Variants in MARCHF6 observed in about 807,000 individuals in gnomAD.
MARCHF6 encodes the protein membrane associated ring-CH-type finger 6, also known as E3 ubiquitin-protein ligase MARCHF6.
A neutral mutation model predicts 133.7 loss-of-function variants in MARCHF6; 31 were observed. The observed-to-expected ratio is 0.23, with a 90% CI of 0.17 to 0.31. The LOEUF (loss-of-function observed/expected upper bound fraction) is 0.31, where lower values mean the gene tolerates loss of function less well. Among genes scored for constraint, MARCHF6 ranks in the 10% least tolerant of loss-of-function variants. MARCHF6 has a pLI of 1.00. For synonymous variants in MARCHF6, 395 were observed against 402.5 expected, an observed-to-expected ratio of 0.98 and a Z score of 0.22; for missense variants, 723 against 1,121.6, an observed-to-expected ratio of 0.64 and a Z score of 5.08.
At chr5:10,402,655 A>G (rs766576266) in intron 14 of MARCHF6, 48 bp downstream of exon 14, 1 of 1,438,058 alleles carries the variant, frequency 7.0e-7, no homozygotes, top group Non-Finnish European at 9.8e-7. Flanking sequence ...TAAGGGCTTC[A>G]AAAGAGGAAG....
At chr5:10,372,295 G>A (rs1455214181) in intron 1 of MARCHF6, among the ~76,000 whole-genome samples, 2 of 152,060 alleles carry the variant, frequency 1.3e-5, no homozygotes, top group East Asian at 1.9e-4. Flanking sequence ...TATCATGTCT[G>A]TGTACTATTG....
At chr5:10,362,442 A>G (rs868050767) in intron 1 of MARCHF6, among the ~76,000 whole-genome samples, 3 of 152,210 alleles carry the variant, frequency 2.0e-5, no homozygotes, top group Non-Finnish European at 2.9e-5. Flanking sequence ...ACCCCTTTAC[A>G]TTCTTAAAAT....
At chr5:10,422,243 GAA>G (rs1364891646) in intron 22 of MARCHF6, among the ~76,000 whole-genome samples, 2 of 152,158 alleles carry the variant, frequency 1.3e-5, no homozygotes, top group Admixed American at 1.3e-4. Flanking sequence ...TTGAGAAAGA[GAA>G]ATGTTTTGGA....
chr5:10,410,118 T>G (rs375470350), intron 17 of MARCHF6, 21 bp from the exon 18 acceptor site: 13 of 1,612,306 alleles, frequency 8.1e-6, no homozygotes, highest in Non-Finnish European at 1.0e-5. Flanking sequence ...CAATTCACAT[T>G]ATAAATCCTG....
intron 9 of MARCHF6, among the ~76,000 whole-genome samples, chr5:10,396,468 T>C (rs1415787936): frequency 6.6e-6 from 1 of 152,062 alleles, no homozygotes; most frequent in South Asian, 2.1e-4. Context: ...TGAGAAGAAA[T>C]GTAGTAGTCA....
Position 10,435,000 on chromosome 5 carries a change from A to G in MARCHF6, c.*1316A>G, listed in dbSNP as rs138857781. 1 of 152,794 alleles carries G rather than the reference A, an allele frequency of 6.5e-6. No homozygotes were observed. Among genetic ancestry groups the G allele is most frequent in the East Asian group, 1.9e-4 (1 of 5,192 alleles). 9.5% of individuals were successfully genotyped at this position (152,794 alleles called of 1,614,324 possible). ...TTAGAAAAATAGAATGGTTGGGTAC[A>G]TGATCTAAATGTTTAATGCTAAAGG... On this transcript the variant is annotated 3_prime_UTR_variant, in exon 26 of 26. Coordinates refer to ENST00000274140, the MANE Select transcript of MARCHF6 (RefSeq NM_005885.4).
rs79268913 is a variant in MARCHF6, at chr5:10,353,752, C to T, written c.-147C>T. ...TTTCTGTCAGCCTCTCTCCCTCTCC[C>T]TCTCCCCTCTCCTTCCTCTCGCTTC... On this transcript the variant is annotated 5_prime_UTR_variant, in exon 1 of 26. Transcript: ENST00000274140. The T allele has an allele frequency of 0.019, 12,213 of 639,896 alleles. 683 individuals carry two copies. Among genetic ancestry groups the T allele is most frequent in the African/African-American group, 0.15 (7,868 of 51,734 alleles). 39.6% of individuals were successfully genotyped at this position (639,896 alleles called of 1,614,324 possible). A position where few individuals can be genotyped will look rare whatever the true frequency, so the allele number is the denominator to read the frequency against.
intron 18 of MARCHF6, among the ~76,000 whole-genome samples, chr5:10,411,049 A>T (rs1053218713): frequency 2.0e-5 from 3 of 152,088 alleles, no homozygotes; most frequent in Non-Finnish European, 4.4e-5. Flanking sequence ...TATCTTGTAC[A>T]TTGTACTTTT....
chr5:10,422,658 A>G (rs180780915), intron 22 of MARCHF6, among the ~76,000 whole-genome samples: 83 of 151,504 alleles, frequency 5.5e-4, no homozygotes, highest in African/African-American at 1.9e-3. Context: ...AATTCAGTGT[A>G]TGTATCAACC....
intron 17 of MARCHF6, 152 bp from the exon 18 acceptor site, chr5:10,409,987 G>A: frequency 2.5e-6 from 2 of 793,860 alleles, no homozygotes; most frequent in Non-Finnish European, 3.9e-6. Flanking sequence ...GGTGGAGTTT[G>A]TGGGGAAAGC....
chr5:10,420,768 C>T (rs535291271), intron 22 of MARCHF6, among the ~76,000 whole-genome samples: 4 of 152,338 alleles, frequency 2.6e-5, no homozygotes, highest in East Asian at 3.9e-4. Flanking sequence ...AATGACCAAA[C>T]ATTCCCCTTT....
chr5:10,404,057 T>C (rs1206879510), intron 15 of MARCHF6, among the ~76,000 whole-genome samples: 1 of 150,122 alleles, frequency 6.7e-6, no homozygotes, highest in Admixed American at 6.7e-5. Context: ...ATTTATTTAT[T>C]TATTTATTTA....
At chr5:10,412,396 C>G (rs956307405) in intron 19 of MARCHF6, among the ~76,000 whole-genome samples, 6 of 152,144 alleles carry the variant, frequency 3.9e-5, no homozygotes, top group African/African-American at 1.4e-4. Flanking sequence ...CAATCAAGAA[C>G]CACTTGTTCT....
chr5:10,410,408 G>A (rs1739150375), intron 18 of MARCHF6, 132 bp downstream of exon 18: 2 of 1,062,512 alleles, frequency 1.9e-6, no homozygotes, highest in African/African-American at 3.2e-5. Flanking sequence ...AGTAATATTT[G>A]CAATTGCATA....
At chr5:10,376,236 C>G (rs542423304) in intron 1 of MARCHF6, among the ~76,000 whole-genome samples, 1 of 152,312 alleles carries the variant, frequency 6.6e-6, no homozygotes, top group South Asian at 2.1e-4. Flanking sequence ...CCGTGAAGAT[C>G]TGCAGTTTCT....
intron 10 of MARCHF6, among the ~76,000 whole-genome samples, chr5:10,398,845 GA>G: frequency 6.6e-6 from 1 of 152,276 alleles, no homozygotes; most frequent in African/African-American, 2.4e-5. Context: ...CTTTTGAAAT[GA>G]AACAAGTTTT....
intron 4 of MARCHF6, 83 bp from the exon 5 acceptor site, chr5:10,386,911 C>A: frequency 1.0e-6 from 1 of 982,662 alleles, no homozygotes; most frequent in Non-Finnish European, 1.6e-6. Flanking sequence ...TGTGGCGTTC[C>A]ACTTTACCTC....
chr5:10,387,365 C>T (rs1003529442), intron 5 of MARCHF6, among the ~76,000 whole-genome samples: 3 of 149,294 alleles, frequency 2.0e-5, no homozygotes, highest in African/African-American at 2.5e-5. Flanking sequence ...TATAATGGTG[C>T]GATCTCGGCT....
At chr5:10,393,984 A>C in intron 7 of MARCHF6, 98 bp from the exon 8 acceptor site, 2 of 593,294 alleles carry the variant, frequency 3.4e-6, no homozygotes. Flanking sequence ...ACAACAGCTT[A>C]CAAAGTACTA....
Sources: allele counts gnomAD v4.1 joint callset (sites outside exome capture counted in the v4.1 genomes callset), GRCh38; gene constraint gnomAD v4.1.1; transcripts MANE v1.5; gene names NCBI Gene and HGNC (gene_info 2026-07-23, HGNC 2026-07-21).